GRIA4: variants seen among roughly 807,000 people sequenced by gnomAD.
The protein encoded by GRIA4 is glutamate ionotropic receptor AMPA type subunit 4.
A neutral mutation model predicts 104.0 loss-of-function variants in GRIA4; 34 were observed. The ratio of observed to expected loss-of-function variants is 0.33; its 90% CI spans 0.25 to 0.44. The LOEUF (loss-of-function observed/expected upper bound fraction) is 0.44. Among genes scored for constraint, GRIA4 ranks in the 20% least tolerant of loss-of-function variants. The pLI, the probability that GRIA4 is intolerant of heterozygous loss-of-function variation, is 1.00. For synonymous variants in GRIA4, 386 were observed against 381.9 expected (o/e 1.01, Z -0.13); for missense variants, 750 against 1,096.5 (o/e 0.68, Z 4.46).
At chr11:105,912,063 G>A (rs1947266061) in intron 10 of GRIA4, 1 of 1,126,354 alleles carries the variant, frequency 8.9e-7, no homozygotes, top group African/African-American at 1.6e-5. Flanking sequence ...TAAGTTCTGT[G>A]ACTTTTCTGA....
intron 3 of GRIA4, among the ~76,000 whole-genome samples, chr11:105,684,266 G>T (rs1952801094): frequency 6.6e-6 from 1 of 152,026 alleles, no homozygotes; most frequent in African/African-American, 2.4e-5. Context: ...TCTTCAAGAT[G>T]TTCTTATCTT....
rs113853340 is a variant in GRIA4 at position 105,673,796 on chromosome 11, A to G, written c.247+61362A>G. On this transcript the variant is annotated intron_variant, in intron 3 of 16. Coordinates refer to ENST00000282499, the MANE Select transcript of GRIA4 (RefSeq NM_000829.4). ...CGTTTGTTTAATAAATTAAAAATAA[A>G]TAAATATTTAAAACACAAAATGTAT... is the stretch of plus-strand genomic sequence containing the variant. Among the ~76,000 whole-genome samples the G allele has an allele frequency of 2.8e-3, 431 of 152,108 alleles. 3 individuals carry two copies. The highest frequency in any genetic ancestry group is 4.3e-3 in the Non-Finnish European group (292 of 67,944).
At chr11:105,974,187 C>A in intron 15 of GRIA4, 123 bp from the exon 16 acceptor site, 3 of 929,754 alleles carry the variant, frequency 3.2e-6, no homozygotes, top group Non-Finnish European at 5.0e-6. Flanking sequence ...GTGACTTATA[C>A]TTGTAAATCA....
chr11:105,706,870 A>G (rs1953720575), intron 3 of GRIA4: 1 of 152,320 alleles, frequency 6.6e-6, no homozygotes, highest in South Asian at 2.1e-4. Context: ...TGAAAGATGA[A>G]TTGGGAATTA....
intron 3 of GRIA4, among the ~76,000 whole-genome samples, chr11:105,636,923 A>G (rs978029453): frequency 6.6e-6 from 1 of 152,164 alleles, no homozygotes; most frequent in African/African-American, 2.4e-5. Flanking sequence ...TTTGAATTTT[A>G]CCACATAATC....
At chr11:105,773,103 C>T (rs928374605) in intron 4 of GRIA4, among the ~76,000 whole-genome samples, 1 of 152,128 alleles carries the variant, frequency 6.6e-6, no homozygotes, top group African/African-American at 2.4e-5. Flanking sequence ...TCCTCCTCCA[C>T]CTTCCCCTAC....
chr11:105,797,724 A>T, intron 4 of GRIA4: 1 of 407,940 alleles, frequency 2.5e-6, no homozygotes, highest in South Asian at 1.7e-5. Flanking sequence ...TCTCTTTTGT[A>T]GGACTTGTAA....
chr11:105,923,802 A>C (rs183047147), intron 11 of GRIA4, among the ~76,000 whole-genome samples: 9 of 152,298 alleles, frequency 5.9e-5, no homozygotes, highest in East Asian at 5.8e-4. Context: ...ATAAATGCCA[A>C]TTTCCAGATT....
chr11:105,719,018 T>G (rs796350776), intron 3 of GRIA4, among the ~76,000 whole-genome samples: 2 of 152,250 alleles, frequency 1.3e-5, no homozygotes, highest in African/African-American at 4.8e-5. Flanking sequence ...GCACTTATTC[T>G]TAAAAAGCTG....
rs1002261440 is a variant in GRIA4, at chr11:105,647,182, G to A, written c.247+34748G>A. Among the ~76,000 whole-genome samples, 22 of 152,056 alleles carry A rather than the reference G, an allele frequency of 1.4e-4. 1 individual carries two copies. The highest frequency in any genetic ancestry group is 3.9e-4 in the African/African-American group (16 of 41,420). On this transcript the variant is annotated intron_variant, in intron 3 of 16. Coordinates refer to ENST00000282499, the MANE Select transcript of GRIA4 (RefSeq NM_000829.4). ...AAGAAGACATCCATGCAGCCCATAA[G>A]TATATGAAAAAAGCTCAGTACCACT...
At chr11:105,752,940 G>A (rs774307529) in intron 3 of GRIA4, 41 bp from the exon 4 acceptor site, 2 of 1,581,956 alleles carry the variant, frequency 1.3e-6, no homozygotes, top group Admixed American at 3.4e-5. Context: ...AACAATTTGA[G>A]TGTGCTAATA....
chr11:105,969,944 C>T (rs1858598727), intron 14 of GRIA4, among the ~76,000 whole-genome samples: 1 of 152,024 alleles, frequency 6.6e-6, no homozygotes, highest in Admixed American at 6.6e-5. Context: ...ACTAGCAAAC[C>T]CACAGTTGTG....
chr11:105,932,766 T>TA (rs1215294870), intron 13 of GRIA4, among the ~76,000 whole-genome samples: 4 of 152,136 alleles, frequency 2.6e-5, no homozygotes, highest in Non-Finnish European at 5.9e-5. Flanking sequence ...AGAAAAAGTC[T>TA]AAAAATGTTT....
intron 3 of GRIA4, among the ~76,000 whole-genome samples, chr11:105,747,224 C>A (rs1258754661): frequency 6.6e-6 from 1 of 152,142 alleles, no homozygotes; most frequent in Non-Finnish European, 1.5e-5. Context: ...AATGCAAAAA[C>A]ACTTTGGAGA....
At chr11:105,724,785 A>T (rs974609802) in intron 3 of GRIA4, among the ~76,000 whole-genome samples, 5 of 152,050 alleles carry the variant, frequency 3.3e-5, no homozygotes, top group East Asian at 3.9e-4. Context: ...AAATTTATAA[A>T]TTTTTTTTAA....
intron 3 of GRIA4, among the ~76,000 whole-genome samples, chr11:105,665,032 TTAATTTGAGG>T (rs1952123480): frequency 6.6e-6 from 1 of 152,050 alleles, no homozygotes; most frequent in Non-Finnish European, 1.5e-5. Context: ...TCTAAATGAA[TTAATTTGAGG>T]TAATTTGAGG....
chr11:105,954,827 T>C (rs1048799997), intron 14 of GRIA4, among the ~76,000 whole-genome samples: 24 of 151,618 alleles, frequency 1.6e-4, no homozygotes, highest in African/African-American at 5.8e-4. Context: ...GCAGTTATTA[T>C]ACTCAAGTCA....
chr11:105,955,387 T>C (rs1948561541), intron 14 of GRIA4, among the ~76,000 whole-genome samples: 1 of 152,158 alleles, frequency 6.6e-6, no homozygotes, highest in Non-Finnish European at 1.5e-5. Context: ...TGTTTTCTGT[T>C]CCTGTGTTAG....
At chr11:105,867,953 C>T (rs1179768017) in intron 5 of GRIA4, among the ~76,000 whole-genome samples, 1 of 152,190 alleles carries the variant, frequency 6.6e-6, no homozygotes, top group Non-Finnish European at 1.5e-5. Flanking sequence ...GCATGCCAGA[C>T]ATTGTTCCAG....
Sources: gnomAD v4.1 joint callset for allele counts (sites outside exome capture counted in the v4.1 genomes callset) on GRCh38, gnomAD v4.1.1 for gene constraint, MANE v1.5 for transcripts, NCBI Gene and HGNC (gene_info 2026-07-23, HGNC 2026-07-21) for gene names.